SEC24A: variants seen among roughly 807,000 people sequenced by gnomAD.
SEC24A encodes the protein SEC24 homolog A, COPII component, also known as protein transport protein Sec24A.
In SEC24A, 93 loss-of-function variants were observed where a neutral mutation model predicts 129.4. The ratio of observed to expected loss-of-function variants is 0.72; its 90% CI spans 0.61 to 0.85. The LOEUF (loss-of-function observed/expected upper bound fraction) is 0.85. Among genes scored for constraint, SEC24A ranks in the 40% least tolerant of loss-of-function variants. The probability of loss-of-function intolerance (pLI) is 0.00; values close to 1 mark genes in which losing one functional copy is unlikely to be tolerated. For synonymous variants in SEC24A, 460 were observed against 467.3 expected (o/e 0.98, Z 0.20); for missense variants, 1,264 against 1,307.4 (o/e 0.97, Z 0.51).
At chr5:134,668,869 G>A (rs1022094675) in intron 3 of SEC24A, among the ~76,000 whole-genome samples, 2 of 151,618 alleles carry the variant, frequency 1.3e-5, no homozygotes, top group African/African-American at 2.4e-5. Context: ...GGGCAACAGA[G>A]CAAGACTCTG....
Position 134,648,814 on chromosome 5 carries a change from C to T in SEC24A, c.-263C>T, listed in dbSNP as rs1314147624. ...CCGGCCAGGGCCTCCCTCCTTCTCT[C>T]TAGGTTTGGCTGCCGCCTTCTAGCC... On this transcript the variant is annotated 5_prime_UTR_variant, in exon 1 of 23. Coordinates refer to ENST00000398844, the MANE Select transcript of SEC24A (RefSeq NM_021982.3). The T allele has an allele frequency of 1.5e-5, 5 of 335,556 alleles. No individual in the cohort carries two copies. Among genetic ancestry groups the T allele is most frequent in the Non-Finnish European group, 2.8e-5 (5 of 181,312 alleles). The allele number at this position is 335,556 out of a possible 1,614,324, so 20.8% of individuals were successfully genotyped here.
chr5:134,668,585 G>T (rs1023772812), intron 3 of SEC24A, among the ~76,000 whole-genome samples: 1 of 152,214 alleles, frequency 6.6e-6, no homozygotes, highest in African/African-American at 2.4e-5. Flanking sequence ...AATTAGCCGG[G>T]CATAGTGGCG....
intron 12 of SEC24A, chr5:134,693,230 C>T: frequency 6.1e-6 from 9 of 1,479,460 alleles, no homozygotes; most frequent in African/African-American, 4.2e-5. Context: ...TGCCATAGTG[C>T]GAAGTATTTT....
At position 134,674,673 on chromosome 5, in the gene SEC24A, T is replaced by G; in HGVS notation, c.876T>G (p.Tyr292Ter). Reference sequence around the variant, plus strand: ...TGAGCCGAAGTGTTGGATATTCATATCCCTCCTTACCACCTGGTTATCAGA... The same window carrying G: ...TGAGCCGAAGTGTTGGATATTCATAGCCCTCCTTACCACCTGGTTATCAGA... ...PKMSRSVGYS[Y>*]PSLPPGYQNT... is the part of the protein sequence containing the mutation. The change falls in exon 5 of 23, where the codon TAT becomes TAG. Residue 292 changes from tyrosine to a stop codon, truncating the protein, a stop_gained. Coordinates refer to ENST00000398844, the MANE Select transcript of SEC24A (RefSeq NM_021982.3). LOFTEE classifies it high-confidence loss of function. The G allele has an allele frequency of 6.2e-7, 1 of 1,613,988 alleles. No individual in the cohort carries two copies. Among genetic ancestry groups the G allele is most frequent in the Non-Finnish European group, 8.5e-7 (1 of 1,179,888 alleles).
intron 22 of SEC24A, 99 bp from the exon 23 acceptor site, chr5:134,724,881 T>C (rs901336287): frequency 2.1e-5 from 14 of 677,438 alleles, no homozygotes; most frequent in Non-Finnish European, 3.5e-5. Context: ...ACTGTTTATA[T>C]AGTAAATGTT....
intron 19 of SEC24A, 26 bp downstream of exon 19, chr5:134,715,187 T>C (rs1752441511): frequency 6.3e-7 from 1 of 1,594,576 alleles, no homozygotes; most frequent in Non-Finnish European, 8.6e-7. Flanking sequence ...TTTTTGTGGT[T>C]TTACTTGAAG....
chr5:134,658,294 A>G (rs1267452605), intron 1 of SEC24A, among the ~76,000 whole-genome samples: 2 of 152,210 alleles, frequency 1.3e-5, no homozygotes, highest in African/African-American at 4.8e-5. Flanking sequence ...AAGCAATATA[A>G]TTCAATTTTA....
chr5:134,672,234 C>T (rs1269695439), intron 4 of SEC24A, among the ~76,000 whole-genome samples: 1 of 152,066 alleles, frequency 6.6e-6, no homozygotes, highest in Non-Finnish European at 1.5e-5. Flanking sequence ...GTTGCTTAGG[C>T]TGGAGTGCAG....
At position 134,679,711 on chromosome 5, in the gene SEC24A, G is replaced by C. The variant is rs772313438; in HGVS notation, c.1364G>C (p.Cys455Ser). ...CAAAGGAGATGGAAGTGTAACTTAT[G>C]TTATCGAGTCAATGATGGTATGGGA... ...LDQRRWKCNLCYRVNDVPEEF... is the reference protein window; with the variant it reads ...LDQRRWKCNLSYRVNDVPEEF... The change falls in exon 8 of 23, where the codon TGT (cysteine) becomes TCT (serine). Residue 455 changes from cysteine to serine, a missense_variant. Coordinates refer to ENST00000398844, the MANE Select transcript of SEC24A (RefSeq NM_021982.3). The C allele has an allele frequency of 1.3e-6, 2 of 1,588,308 alleles. No individual in the cohort carries two copies. Among genetic ancestry groups the C allele is most frequent in the Admixed American group, 1.7e-5 (1 of 58,880 alleles).
intron 1 of SEC24A, among the ~76,000 whole-genome samples, chr5:134,650,785 G>GT (rs1750021166): frequency 1.3e-5 from 2 of 149,336 alleles, no homozygotes; most frequent in African/African-American, 5.0e-5. Context: ...TTGTTTGTTT[G>GT]TTTTTTGAGA....
rs368804848 is a variant in SEC24A at position 134,709,307 on chromosome 5, C to G, written c.2727+419C>G. Among the ~76,000 whole-genome samples, 37 of 152,238 alleles carry G rather than the reference C, an allele frequency of 2.4e-4. 1 individual carries two copies. The East Asian group carries it at 3.7e-3, about 15-fold the overall frequency. ...TAAACATTGTATATGTAACTTTATGCTGGTTAAATTTTTGACGACAGGTAC... is the reference window on the plus strand; with the variant it reads ...TAAACATTGTATATGTAACTTTATGGTGGTTAAATTTTTGACGACAGGTAC... On this transcript the variant is annotated intron_variant, in intron 18 of 22. Coordinates refer to ENST00000398844, the MANE Select transcript of SEC24A (RefSeq NM_021982.3).
chr5:134,700,185 T>C (rs936226869), intron 15 of SEC24A, among the ~76,000 whole-genome samples: 1 of 151,940 alleles, frequency 6.6e-6, no homozygotes, highest in African/African-American at 2.4e-5. Flanking sequence ...TGCTCTGTAA[T>C]GGGGTGTAGA....
chr5:134,700,953 C>G (rs1352895052), intron 15 of SEC24A, among the ~76,000 whole-genome samples: 1 of 151,736 alleles, frequency 6.6e-6, no homozygotes, highest in Admixed American at 6.6e-5. Context: ...CTCCTGACCT[C>G]GTGATCCATC....
chr5:134,654,742 G>T (rs983034555), intron 1 of SEC24A, among the ~76,000 whole-genome samples: 6 of 151,418 alleles, frequency 4.0e-5, no homozygotes, highest in Non-Finnish European at 7.4e-5. Flanking sequence ...TTTCAGAAAT[G>T]GTCTCACTTT....
intron 17 of SEC24A, among the ~76,000 whole-genome samples, chr5:134,707,133 G>A (rs990000244): frequency 2.6e-5 from 4 of 152,030 alleles, no homozygotes; most frequent in African/African-American, 7.2e-5. Context: ...CACCACACCC[G>A]GCCTCAGTAG....
chr5:134,682,206 G>C (rs1751297815), intron 8 of SEC24A, among the ~76,000 whole-genome samples, 167 bp from the exon 9 acceptor site: 2 of 151,548 alleles, frequency 1.3e-5, no homozygotes. Context: ...TTGCACCACT[G>C]CACTCCAGCC....
chr5:134,661,709 GTTT>G, intron 2 of SEC24A, 123 bp downstream of exon 2: 1 of 798,278 alleles, frequency 1.3e-6, no homozygotes, highest in South Asian at 1.9e-5. Context: ...ATTATTAGTA[GTTT>G]TTTGTTGTTT....
chr5:134,663,417 C>T (rs530159618), intron 2 of SEC24A, among the ~76,000 whole-genome samples: 18 of 152,148 alleles, frequency 1.2e-4, no homozygotes, highest in Non-Finnish European at 1.9e-4. Flanking sequence ...GCCAGGCCTG[C>T]ATTATCTTGT....
chr5:134,699,696 C>CTTTT lies in SEC24A; in HGVS notation c.2266+1657_2266+1660dup, dbSNP rs746836417. ...TGGGGGATCTCTTAGTTTGTACTCTCTTTTTTTTTTTTTTTTTTTTTGAGC... is the reference window on the plus strand; with the variant it reads ...TGGGGGATCTCTTAGTTTGTACTCTCTTTTTTTTTTTTTTTTTTTTTTTTTGAGC... On this transcript the variant is annotated intron_variant, in intron 15 of 22. Coordinates refer to ENST00000398844, the MANE Select transcript of SEC24A (RefSeq NM_021982.3). Among the ~76,000 whole-genome samples, 480 of 112,646 alleles carry CTTTT rather than the reference C, an allele frequency of 4.3e-3. 10 individuals carry two copies. Among genetic ancestry groups the CTTTT allele is most frequent in the African/African-American group, 0.016 (446 of 27,968 alleles). The allele number at this position is 112,646 out of a possible 152,430, so 73.9% of individuals were successfully genotyped here.
Sources: gnomAD v4.1 joint callset for allele counts (sites outside exome capture counted in the v4.1 genomes callset) on GRCh38, gnomAD v4.1.1 for gene constraint, MANE v1.5 for transcripts, NCBI Gene and HGNC (gene_info 2026-07-23, HGNC 2026-07-21) for gene names.